The following SGMS1 variants were observed in gnomAD, a reference collection of about 807,000 sequenced individuals.
The protein encoded by SGMS1 is phosphatidylcholine:ceramide cholinephosphotransferase 1.
SGMS1 carries 13 observed loss-of-function variants against 46.2 expected under a neutral mutation model. That is an observed-to-expected ratio of 0.28 (90% CI 0.18 to 0.45). The LOEUF is 0.45. SGMS1 is among the 20% of genes least tolerant of loss of function. The pLI is 1.00. For missense variants in SGMS1, 324 were observed against 519.9 expected, an observed-to-expected ratio of 0.62 and a Z score of 3.66; for synonymous variants, 203 against 187.8, an observed-to-expected ratio of 1.08 and a Z score of -0.66.
chr10:50,320,901 T>G (rs1271607464), intron 8 of SGMS1, among the ~76,000 whole-genome samples: 2 of 152,218 alleles, frequency 1.3e-5, no homozygotes, highest in South Asian at 2.1e-4. Flanking sequence ...GCAAATCTAC[T>G]ACAGGGAGTC....
intron 2 of SGMS1, among the ~76,000 whole-genome samples, chr10:50,553,946 T>C (rs1318549659): frequency 6.6e-6 from 1 of 152,190 alleles, no homozygotes; most frequent in Admixed American, 6.5e-5. Flanking sequence ...ACAAGGCACC[T>C]GAAAACAGAA....
intron 6 of SGMS1, among the ~76,000 whole-genome samples, chr10:50,401,207 C>A (rs1848935755): frequency 6.6e-6 from 1 of 152,192 alleles, no homozygotes; most frequent in Non-Finnish European, 1.5e-5. Flanking sequence ...CCCCAATTTC[C>A]ATACCTTATA....
chr10:50,439,489 A>G (rs1273429399), intron 5 of SGMS1, among the ~76,000 whole-genome samples: 1 of 152,176 alleles, frequency 6.6e-6, no homozygotes, highest in South Asian at 2.1e-4. Context: ...CAGCAGCACA[A>G]TGCGGGCCTT....
chr10:50,613,695 T>C (rs928194980), intron 1 of SGMS1, among the ~76,000 whole-genome samples: 2 of 152,238 alleles, frequency 1.3e-5, no homozygotes, highest in African/African-American at 2.4e-5. Flanking sequence ...TTACTTGTAT[T>C]GTTCACCTCC....
At chr10:50,608,670 T>G (rs1838719051) in intron 1 of SGMS1, among the ~76,000 whole-genome samples, 1 of 152,194 alleles carries the variant, frequency 6.6e-6, no homozygotes, top group African/African-American at 2.4e-5. Flanking sequence ...TAATTTCAAG[T>G]CAAAGATGTA....
Position 50,576,701 on chromosome 10 carries a change from C to T in SGMS1, c.-589+13452G>A, listed in dbSNP as rs553713579. On this transcript the variant is annotated intron_variant, in intron 2 of 10. Transcript: ENST00000361781. The stretch of plus-strand genomic sequence containing the variant: ...TCACAAATTTTTTGAATCAGAAAAT[C>T]ATCTATGTCATAAGTGCAACCCTTA... Among the ~76,000 whole-genome samples, 11 of 120,248 alleles carry T rather than the reference C, an allele frequency of 9.1e-5. No individual in the cohort carries two copies. The South Asian group carries it at 3.6e-3, about 39-fold the overall frequency. The allele number at this position is 120,248 out of a possible 152,430, so 78.9% of individuals were successfully genotyped here. A position where few individuals can be genotyped will look rare whatever the true frequency, so the allele number is the denominator to read the frequency against.
chr10:50,440,912 G>C (rs914835265), intron 5 of SGMS1, among the ~76,000 whole-genome samples: 7 of 152,172 alleles, frequency 4.6e-5, no homozygotes, highest in African/African-American at 1.7e-4. Context: ...GCCCAACCTA[G>C]GCTCATTTCT....
chr10:50,521,747 G>A (rs1037807326), intron 2 of SGMS1, among the ~76,000 whole-genome samples: 1 of 151,948 alleles, frequency 6.6e-6, no homozygotes, highest in Non-Finnish European at 1.5e-5. Context: ...CAGAATAATC[G>A]TGTAGTTTTC....
chr10:50,320,130 C>T (rs1847416461), intron 8 of SGMS1, among the ~76,000 whole-genome samples: 1 of 152,168 alleles, frequency 6.6e-6, no homozygotes, highest in South Asian at 2.1e-4. Context: ...TACCAGATGG[C>T]TTCTGCCATG....
chr10:50,606,980 T>C (rs1797582886), intron 1 of SGMS1, among the ~76,000 whole-genome samples: 1 of 138,570 alleles, frequency 7.2e-6, no homozygotes, highest in Non-Finnish European at 1.6e-5. Flanking sequence ...AGCATTGTAC[T>C]TTTTTTTTTT....
At chr10:50,564,330 G>A (rs1037697921) in intron 2 of SGMS1, among the ~76,000 whole-genome samples, 2 of 152,178 alleles carry the variant, frequency 1.3e-5, no homozygotes, top group Non-Finnish European at 2.9e-5. Flanking sequence ...TGACCCGGGT[G>A]GTGGCAACTT....
chr10:50,623,181 A>T (rs1425929384), intron 1 of SGMS1, among the ~76,000 whole-genome samples: 3 of 151,516 alleles, frequency 2.0e-5, no homozygotes, highest in African/African-American at 7.3e-5. Flanking sequence ...CGGTGGGGGG[A>T]TCCCGAAATA....
At chr10:50,317,620 A>G (rs1382170750) in intron 8 of SGMS1, among the ~76,000 whole-genome samples, 1 of 152,138 alleles carries the variant, frequency 6.6e-6, no homozygotes, top group East Asian at 1.9e-4. Context: ...CAATTTCTCC[A>G]GGTTTACTTT....
intron 3 of SGMS1, among the ~76,000 whole-genome samples, chr10:50,494,915 A>G (rs867025003): frequency 1.3e-5 from 2 of 151,550 alleles, no homozygotes; most frequent in Non-Finnish European, 3.0e-5. Flanking sequence ...GGGCACCTGT[A>G]GTCCCAGCTA....
intron 6 of SGMS1, among the ~76,000 whole-genome samples, chr10:50,396,322 T>C (rs1333701635): frequency 6.6e-6 from 1 of 152,150 alleles, no homozygotes; most frequent in Admixed American, 6.5e-5. Context: ...AGCTAGGAGT[T>C]GAGCAAAGCA....
chr10:50,531,508 T>C (rs984372744), intron 2 of SGMS1, among the ~76,000 whole-genome samples: 4 of 152,186 alleles, frequency 2.6e-5, no homozygotes, highest in Non-Finnish European at 4.4e-5. Context: ...TGCAGGTCTG[T>C]TAGCATGGTT....
intron 3 of SGMS1, among the ~76,000 whole-genome samples, chr10:50,516,139 CT>C: frequency 1.3e-5 from 2 of 152,264 alleles, no homozygotes; most frequent in Non-Finnish European, 2.9e-5. Context: ...GGTAATTATT[CT>C]GCTGCAGAAG....
At chr10:50,535,563 T>C (rs1046347250) in intron 2 of SGMS1, among the ~76,000 whole-genome samples, 1 of 151,930 alleles carries the variant, frequency 6.6e-6, no homozygotes, top group East Asian at 1.9e-4. Context: ...AGAGATGGGG[T>C]TTCACCATGT....
intron 7 of SGMS1, chr10:50,335,114 AAGCAAGACCAGG>A (rs1267963359): frequency 3.3e-5 from 5 of 152,264 alleles, no homozygotes; most frequent in Non-Finnish European, 7.3e-5. Context: ...CACTAAAAGG[AAGCAAGACCAGG>A]TAATAACCTA....
Sources: gnomAD v4.1 joint callset for allele counts (sites outside exome capture counted in the v4.1 genomes callset) on GRCh38, gnomAD v4.1.1 for gene constraint, MANE v1.5 for transcripts, NCBI Gene and HGNC (gene_info 2026-07-23, HGNC 2026-07-21) for gene names.